Variants in NRG4 observed in about 807,000 individuals in gnomAD.
NRG4 encodes pro-neuregulin-4, membrane-bound isoform.
Under a neutral mutation model 15.0 loss-of-function variants are expected in NRG4, and 10 were observed. The ratio of observed to expected loss-of-function variants is 0.67; its 90% CI spans 0.41 to 1.13. The LOEUF (loss-of-function observed/expected upper bound fraction) is 1.13. Among genes scored for constraint, NRG4 ranks in the 50% most tolerant of loss-of-function variants. NRG4 has a pLI of 0.00. For missense variants in NRG4, 139 were observed against 140.2 expected, an observed-to-expected ratio of 0.99 and a Z score of 0.04; for synonymous variants, 41 against 50.1, an observed-to-expected ratio of 0.82 and a Z score of 0.77.
Position 76,049,355 on chromosome 15 carries a change from G to A in NRG4, c.-105+2712C>T, listed in dbSNP as rs150272974. Reference sequence around the variant, plus strand: ...TGTCTATTTTTTCTCCTACTCAAATGCTTCTTTCATTTCCATTTTATTTGC... The same window carrying A: ...TGTCTATTTTTTCTCCTACTCAAATACTTCTTTCATTTCCATTTTATTTGC... On this transcript the variant is annotated intron_variant, in intron 4 of 8. Coordinates refer to the NRG4 transcript ENST00000563910. 5.4e-3 allele frequency among the ~76,000 whole-genome samples: 813 copies of A among 150,654 alleles called. 57 individuals are homozygous for A. Among genetic ancestry groups the A allele is most frequent in the African/African-American group, 0.019 (760 of 40,352 alleles).
At position 76,018,997 on chromosome 15, in the gene NRG4, C is replaced by T. The variant is rs561153012; in HGVS notation, c.-56-7711G>A. On this transcript the variant is annotated intron_variant, in intron 5 of 8. Coordinates refer to the NRG4 transcript ENST00000563910. ...TTTATCCATAACCCCCTGACTGGGG[C>T]TGCTGCCTTTTTTTTTTAGAGATTC... 2.4e-3 allele frequency among the ~76,000 whole-genome samples: 364 copies of T among 152,078 alleles called. 2 individuals are homozygous for T. The highest frequency in any genetic ancestry group is 8.6e-3 in the African/African-American group (356 of 41,522).
rs185361287 is a variant in NRG4 at position 75,964,342 on chromosome 15, C to T, written c.105-2368G>A. The stretch of plus-strand genomic sequence containing the variant: ...AATAAAATAAAACCCTTCTATCATT[C>T]CTGTTTTTTTAAATAGAATTAAGTA... On this transcript the variant is annotated intron_variant, in intron 3 of 5. Coordinates refer to ENST00000394907, the MANE Select transcript of NRG4 (RefSeq NM_138573.4). Among the ~76,000 whole-genome samples the T allele has an allele frequency of 2.6e-3, 402 of 152,142 alleles. 2 individuals carry two copies. The highest frequency in any genetic ancestry group is 0.01 in the Middle Eastern group (3 of 294).
intron 5 of NRG4, among the ~76,000 whole-genome samples, chr15:76,019,596 G>T (rs1300822439): frequency 6.6e-6 from 1 of 152,206 alleles, no homozygotes; most frequent in African/African-American, 2.4e-5. Flanking sequence ...TGGCTAGGGG[G>T]GTAGTTCCCC....
intron 5 of NRG4, among the ~76,000 whole-genome samples, chr15:76,021,224 T>TAC (rs1441671581): frequency 1.1e-4 from 17 of 152,232 alleles, no homozygotes; most frequent in African/African-American, 4.1e-4. Flanking sequence ...CACATCTGTT[T>TAC]ACAGCATGGT....
intron 2 of NRG4, among the ~76,000 whole-genome samples, chr15:76,054,745 G>A (rs535181190): frequency 3.3e-5 from 5 of 151,956 alleles, no homozygotes; most frequent in African/African-American, 9.7e-5. Flanking sequence ...AAGAGACAGT[G>A]GAAATTCAAC....
intron 3 of NRG4, among the ~76,000 whole-genome samples, chr15:76,005,074 TTAAGAAACTCA>T (rs1488485846): frequency 3.3e-5 from 5 of 152,114 alleles, no homozygotes; most frequent in Non-Finnish European, 5.9e-5. Flanking sequence ...GAAAATGTTA[TTAAGAAACTCA>T]TAAGGGGGCT....
chr15:75,946,043 A>G (rs369802471), intron 5 of NRG4, among the ~76,000 whole-genome samples: 1 of 152,196 alleles, frequency 6.6e-6, no homozygotes, highest in African/African-American at 2.4e-5. Context: ...AAGCACTGTG[A>G]TACTGCAACA....
At chr15:76,055,438 T>C (rs1477275591) in intron 2 of NRG4, among the ~76,000 whole-genome samples, 2 of 152,250 alleles carry the variant, frequency 1.3e-5, no homozygotes, top group African/African-American at 2.4e-5. Flanking sequence ...ATCCTTAAAA[T>C]CACTGTGCTA....
chr15:76,001,150 A>ATT (rs368116358), intron 3 of NRG4, among the ~76,000 whole-genome samples: 1 of 151,338 alleles, frequency 6.6e-6, no homozygotes, highest in African/African-American at 2.4e-5. Flanking sequence ...CACACCTGGT[A>ATT]TTTTTTTTGT....
intron 3 of NRG4, among the ~76,000 whole-genome samples, chr15:75,963,370 A>G (rs1429227122): frequency 6.6e-6 from 1 of 152,154 alleles, no homozygotes; most frequent in Non-Finnish European, 1.5e-5. Flanking sequence ...AGGGCCAGGC[A>G]CAGTGACTCA....
At chr15:75,993,093 G>A (rs2034080801) in intron 3 of NRG4, among the ~76,000 whole-genome samples, 1 of 151,790 alleles carries the variant, frequency 6.6e-6, no homozygotes, top group African/African-American at 2.4e-5. Context: ...GAAATCAGTT[G>A]CCATTCATAC....
chr15:75,997,201 C>T (rs1452254317), intron 3 of NRG4, among the ~76,000 whole-genome samples: 1 of 151,992 alleles, frequency 6.6e-6, no homozygotes, highest in Non-Finnish European at 1.5e-5. Flanking sequence ...GATAATTCAT[C>T]TAATTTTCTC....
chr15:75,968,151 A>G (rs1220883104), intron 3 of NRG4, among the ~76,000 whole-genome samples: 4 of 152,192 alleles, frequency 2.6e-5, no homozygotes, highest in Non-Finnish European at 5.9e-5. Context: ...TTGGGTCATG[A>G]GAGTACTGAG....
chr15:76,014,752 T>C (rs1029746492), upstream of NRG4, among the ~76,000 whole-genome samples: 24 of 152,204 alleles, frequency 1.6e-4, no homozygotes, highest in African/African-American at 5.8e-4. Context: ...TGTAGTCTTG[T>C]AGTATAGTTT....
downstream of NRG4, chr15:75,939,136 C>G (rs2030680867): frequency 6.6e-6 from 1 of 151,716 alleles, no homozygotes; most frequent in Admixed American, 6.6e-5. Context: ...AGATTAGAAA[C>G]ACTAGAGAAA....
At chr15:75,950,746 A>G (rs2031830749) in intron 5 of NRG4, 1 of 153,936 alleles carries the variant, frequency 6.5e-6, no homozygotes, top group Non-Finnish European at 1.5e-5. Context: ...TTAATTGTAA[A>G]CAGGAATGCC....
chr15:76,001,875 G>A (rs1046991514), intron 3 of NRG4, among the ~76,000 whole-genome samples: 3 of 152,130 alleles, frequency 2.0e-5, no homozygotes, highest in Admixed American at 2.0e-4. Context: ...CACATAACAA[G>A]TATCCTCCTC....
downstream of NRG4, chr15:75,936,790 C>T (rs1567060185): frequency 6.6e-6 from 1 of 152,038 alleles, no homozygotes; most frequent in African/African-American, 2.4e-5. Context: ...GTCAGGCTGG[C>T]CTCAGACTCC....
At chr15:76,045,323 A>T (rs2035844492) in intron 4 of NRG4, among the ~76,000 whole-genome samples, 1 of 150,980 alleles carries the variant, frequency 6.6e-6, no homozygotes, top group African/African-American at 2.5e-5. Context: ...AAAGGGAAAC[A>T]CTCACATACT....
Sources: gnomAD v4.1 joint callset for allele counts (sites outside exome capture counted in the v4.1 genomes callset) on GRCh38, gnomAD v4.1.1 for gene constraint, MANE v1.5 for transcripts, NCBI Gene and HGNC (gene_info 2026-07-23, HGNC 2026-07-21) for gene names.